The following NBEAL1 variants were observed in gnomAD, a reference collection of about 807,000 sequenced individuals.
NBEAL1 encodes neurobeachin-like protein 1.
Under a neutral mutation model 351.3 loss-of-function variants are expected in NBEAL1, and 273 were observed. The ratio of observed to expected loss-of-function variants is 0.78; its 90% CI spans 0.70 to 0.86. The LOEUF (loss-of-function observed/expected upper bound fraction) is 0.86, where lower values mean the gene tolerates loss of function less well. Ranked by LOEUF, NBEAL1 falls within the 40% of genes least tolerant of loss-of-function variation. The probability of loss-of-function intolerance (pLI) is 0.00; values close to 1 mark genes in which losing one functional copy is unlikely to be tolerated. For missense variants in NBEAL1, 2,961 were observed against 3,201.3 expected (o/e 0.92, Z 1.81); for synonymous variants, 1,050 against 1,086.4 (o/e 0.97, Z 0.66).
chr2:203,082,247 G>A (rs1489880366), intron 8 of NBEAL1, among the ~76,000 whole-genome samples: 1 of 152,158 alleles, frequency 6.6e-6, no homozygotes, highest in East Asian at 1.9e-4. Flanking sequence ...AGCAGGGGCG[G>A]CTAGGAAATG....
intron 42 of NBEAL1, among the ~76,000 whole-genome samples, chr2:203,176,451 G>A (rs1483539468): frequency 6.6e-6 from 1 of 152,076 alleles, no homozygotes; most frequent in Non-Finnish European, 1.5e-5. Context: ...TAGGCCAGGT[G>A]TGGCAGTTCA....
At chr2:203,126,974 G>C in intron 23 of NBEAL1, 48 bp downstream of exon 23, 1 of 1,296,542 alleles carries the variant, frequency 7.7e-7, no homozygotes, top group Non-Finnish European at 1.1e-6. Flanking sequence ...TTTTCTGTCT[G>C]CTACTTGATT....
chr2:203,180,390 G>A lies in NBEAL1; in HGVS notation c.6473G>A (p.Cys2158Tyr), dbSNP rs1275930397. 1.2e-6 allele frequency: 2 copies of A among 1,609,788 alleles called. No homozygotes were observed. The highest frequency in any genetic ancestry group is 1.3e-5 in the African/African-American group (1 of 74,756). ...HIQLQSGRFDCADRQFHSIPA... is the reference protein window; with the variant it reads ...HIQLQSGRFDYADRQFHSIPA... ...TTAATTTCTACATGCAGGTTTGACTGTGCAGATCGACAGTTCCATTCTATT... is the reference window on the plus strand; with the variant it reads ...TTAATTTCTACATGCAGGTTTGACTATGCAGATCGACAGTTCCATTCTATT... Residue 2158 changes from cysteine to tyrosine, a missense_variant, in exon 43 of 56, where the codon TGT becomes TAT. Cys to Tyr is a radical substitution (Grantham distance 194). Transcript: ENST00000683969.
At position 203,128,601 on chromosome 2, in the gene NBEAL1, C is replaced by CTTT. The variant is rs35686158; in HGVS notation, c.3405+677_3405+679dup. 2.4e-3 allele frequency among the ~76,000 whole-genome samples: 338 copies of CTTT among 139,344 alleles called. 10 individuals carry two copies. The East Asian group carries it at 0.036, about 15-fold the overall frequency. 91.4% of individuals were successfully genotyped at this position (139,344 alleles called of 152,430 possible). A position where few individuals can be genotyped will look rare whatever the true frequency, so the allele number is the denominator to read the frequency against. The stretch of plus-strand genomic sequence containing the variant: ...TCAAAGTTAGTGGGTAGATTTCTTT[C>CTTT]TTTTTTTTTTTTTTTGAGACAGAGT... On this transcript the variant is annotated intron_variant, in intron 24 of 55. Coordinates refer to ENST00000683969, the MANE Select transcript of NBEAL1 (RefSeq NM_001378026.1).
intron 10 of NBEAL1, chr2:203,084,802 A>G (rs774072393): frequency 3.0e-6 from 1 of 331,186 alleles, no homozygotes; most frequent in Admixed American, 4.9e-5. Context: ...ATTTCAGTTC[A>G]TGACATATAT....
intron 7 of NBEAL1, 134 bp downstream of exon 7, chr2:203,068,609 G>T: frequency 2.1e-6 from 1 of 473,980 alleles, no homozygotes; most frequent in Non-Finnish European, 3.7e-6. Flanking sequence ...TGTCACTGGA[G>T]TAAGCTACAT....
At chr2:203,213,450 G>C in intron 54 of NBEAL1, 68 bp from the exon 55 acceptor site, 1 of 1,377,034 alleles carries the variant, frequency 7.3e-7, no homozygotes, top group South Asian at 1.3e-5. Context: ...TTATTTTCCA[G>C]ATATAAAATT....
Position 203,097,547 on chromosome 2 carries a change from C to T in NBEAL1, c.1099C>T (p.Leu367=). Reference sequence around the variant, plus strand: ...TTATTCTTGTCTCTGTTTTTAACAGCTATTTTTAAATGCTAACAATAAGGT... The same window carrying T: ...TTATTCTTGTCTCTGTTTTTAACAGTTATTTTTAAATGCTAACAATAAGGT... ...HLIRLLQNCK[L]FLNANNKVAD... Residue 367 remains leucine (L), a splice_region_variant and synonymous_variant, in exon 11 of 56, where the codon CTA becomes TTA. Transcript: ENST00000683969. The T allele has an allele frequency of 2.0e-6, 2 of 981,342 alleles. No individual in the cohort carries two copies. The highest frequency in any genetic ancestry group is 2.4e-6 in the Non-Finnish European group (2 of 825,894). 60.8% of individuals were successfully genotyped at this position (981,342 alleles called of 1,614,324 possible).
chr2:203,091,490 T>G (rs1029002825), intron 10 of NBEAL1, among the ~76,000 whole-genome samples: 2 of 152,222 alleles, frequency 1.3e-5, no homozygotes, highest in Non-Finnish European at 1.5e-5. Context: ...TACCCAGAAG[T>G]AGGATTACTA....
At position 203,079,625 on chromosome 2, in the gene NBEAL1, C is replaced by T. The variant is rs986059241; in HGVS notation, c.684+1788C>T. On this transcript the variant is annotated intron_variant, in intron 8 of 55. Coordinates refer to ENST00000683969, the MANE Select transcript of NBEAL1 (RefSeq NM_001378026.1). ...ACATTAAACATTCTCTTACTAGCATCAGTGTACTATGTTCTTAATATTGTT... is the reference window on the plus strand; with the variant it reads ...ACATTAAACATTCTCTTACTAGCATTAGTGTACTATGTTCTTAATATTGTT... Among the ~76,000 whole-genome samples the T allele has an allele frequency of 1.1e-4, 17 of 152,118 alleles. 1 individual carries two copies. The highest frequency in any genetic ancestry group is 3.4e-3 in the Middle Eastern group (1 of 294).
rs769686205 is a variant in NBEAL1 at position 203,208,633 on chromosome 2, T to C, written c.7507-4T>C. The C allele has an allele frequency of 1.9e-6, 3 of 1,598,378 alleles. No homozygotes were observed. The highest frequency in any genetic ancestry group is 1.7e-6 in the Non-Finnish European group (2 of 1,170,176). On this transcript the variant is annotated splice_polypyrimidine_tract_variant and splice_region_variant and intron_variant, in intron 51 of 55. Coordinates refer to ENST00000683969, the MANE Select transcript of NBEAL1 (RefSeq NM_001378026.1). ...TTACCTTTGCTTTTCTCTTGTATTATTAGGGAGGTGTTCCTGTGGGCTTAG... is the reference window on the plus strand; with the variant it reads ...TTACCTTTGCTTTTCTCTTGTATTACTAGGGAGGTGTTCCTGTGGGCTTAG...
rs1320437912 is a variant in NBEAL1, at chr2:203,217,983, A to G, written c.*629A>G. The G allele has an allele frequency of 4.6e-6, 4 of 876,434 alleles. No homozygotes were observed. Among genetic ancestry groups the G allele is most frequent in the Non-Finnish European group, 4.1e-6 (3 of 730,992 alleles). 54.3% of individuals were successfully genotyped at this position (876,434 alleles called of 1,614,324 possible). A position where few individuals can be genotyped will look rare whatever the true frequency, so the allele number is the denominator to read the frequency against. ...TCCTTAATAAAAATTGAGTAGAAAA[A>G]AGTGGAACTAGAGATACATTTTACA... On this transcript the variant is annotated 3_prime_UTR_variant, in exon 56 of 56. Coordinates refer to ENST00000683969, the MANE Select transcript of NBEAL1 (RefSeq NM_001378026.1).
At chr2:203,211,130 T>A (rs2065778220) in intron 54 of NBEAL1, 24 bp downstream of exon 54, 6 of 1,411,888 alleles carry the variant, frequency 4.2e-6, no homozygotes, top group Non-Finnish European at 5.8e-6. Flanking sequence ...ACTAATGAAG[T>A]ATCACTTAAG....
chr2:203,192,296 G>A (rs1464665333), intron 46 of NBEAL1, among the ~76,000 whole-genome samples: 1 of 152,060 alleles, frequency 6.6e-6, no homozygotes, highest in Non-Finnish European at 1.5e-5. Flanking sequence ...TGTTTTACAA[G>A]TGGTGCTAAT....
intron 9 of NBEAL1, among the ~76,000 whole-genome samples, chr2:203,083,987 T>C (rs958274423): frequency 1.3e-5 from 2 of 149,078 alleles, no homozygotes; most frequent in South Asian, 2.1e-4. Flanking sequence ...TGTGTGTGTG[T>C]GTGTGTGTGT....
intron 11 of NBEAL1, among the ~76,000 whole-genome samples, chr2:203,098,883 A>G (rs1302842432): frequency 6.6e-6 from 1 of 152,234 alleles, no homozygotes; most frequent in Non-Finnish European, 1.5e-5. Flanking sequence ...GGGTTTGGAA[A>G]CTAGATAAAC....
chr2:203,039,446 C>T (rs2061101380), intron 2 of NBEAL1, among the ~76,000 whole-genome samples: 1 of 144,876 alleles, frequency 6.9e-6, no homozygotes, highest in African/African-American at 2.5e-5. Context: ...CTTTGTTGCT[C>T]AGGCTGGAGT....
intron 39 of NBEAL1, among the ~76,000 whole-genome samples, chr2:203,170,228 C>T (rs1392772507): frequency 6.6e-6 from 1 of 151,990 alleles, no homozygotes; most frequent in Non-Finnish European, 1.5e-5. Flanking sequence ...AAAAAGTAGC[C>T]AGGCATGTTG....
intron 3 of NBEAL1, among the ~76,000 whole-genome samples, chr2:203,048,236 G>C (rs2061262716): frequency 6.6e-6 from 1 of 151,874 alleles, no homozygotes; most frequent in Non-Finnish European, 1.5e-5. Context: ...ACAAAAATTA[G>C]GTGGGTGTGG....
Sources: gnomAD v4.1 joint callset for allele counts (sites outside exome capture counted in the v4.1 genomes callset) on GRCh38, gnomAD v4.1.1 for gene constraint, MANE v1.5 for transcripts, NCBI Gene and HGNC (gene_info 2026-07-23, HGNC 2026-07-21) for gene names.